The following RBBP6 variants were observed in gnomAD, a reference collection of about 807,000 sequenced individuals.
The protein encoded by RBBP6 is RB binding protein 6, ubiquitin ligase.
Under a neutral mutation model 167.7 loss-of-function variants are expected in RBBP6, and 25 were observed. The observed-to-expected ratio is 0.15, with a 90% confidence interval of 0.11 to 0.21. The LOEUF (loss-of-function observed/expected upper bound fraction) is 0.21, where lower values mean the gene tolerates loss of function less well. Among genes scored for constraint, RBBP6 ranks in the 10% least tolerant of loss-of-function variants. The probability of loss-of-function intolerance (pLI) is 1.00; values close to 1 mark genes in which losing one functional copy is unlikely to be tolerated. For missense variants in RBBP6, 1,868 were observed against 2,134.2 expected, an observed-to-expected ratio of 0.88 and a Z score of 2.46; for synonymous variants, 789 against 735.8, an observed-to-expected ratio of 1.07 and a Z score of -1.17.
At chr16:24,568,712 C>G (rs1187820345) in intron 16 of RBBP6, 33 bp from the exon 17 acceptor site, 1 of 1,567,982 alleles carries the variant, frequency 6.4e-7, no homozygotes, top group East Asian at 2.2e-5. Flanking sequence ...ATGTATTTCT[C>G]AACTATCAAC....
At chr16:24,551,105 A>G (rs1423566494) in intron 3 of RBBP6, among the ~76,000 whole-genome samples, 1 of 151,804 alleles carries the variant, frequency 6.6e-6, no homozygotes, top group African/African-American at 2.4e-5. Context: ...CCAAAGCTGG[A>G]TGTTCTTCTT....
At position 24,546,254 on chromosome 16, in the gene RBBP6, A is replaced by C; in HGVS notation, c.258A>C (p.Thr86=). Residue 86 remains threonine, a synonymous_variant, in exon 2 of 18, where the codon ACA becomes ACC. Coordinates refer to ENST00000319715, the MANE Select transcript of RBBP6 (RefSeq NM_006910.5). ...PIGGVKSTSK[T]YVISRTEPAM... ...GAGGTGTTAAATCTACAAGCAAGAC[A>C]TATGTTATGTAAGTATCAAATCTCA... 1 of 1,576,868 alleles carries C rather than the reference A, an allele frequency of 6.3e-7. No individual in the cohort carries two copies. The highest frequency in any genetic ancestry group is 8.6e-7 in the Non-Finnish European group (1 of 1,169,320).
intron 1 of RBBP6, among the ~76,000 whole-genome samples, chr16:24,545,885 C>G (rs964408215): frequency 3.9e-5 from 6 of 152,192 alleles, no homozygotes; most frequent in African/African-American, 1.4e-4. Flanking sequence ...GCATTTCAGA[C>G]TAAACTAAAG....
intron 1 of RBBP6, among the ~76,000 whole-genome samples, chr16:24,542,062 ATAT>A (rs1898513135): frequency 6.6e-6 from 1 of 152,204 alleles, no homozygotes; most frequent in South Asian, 2.1e-4. Flanking sequence ...TGCTCAAATG[ATAT>A]TATGTGAAAA....
chr16:24,572,252 A>C lies in RBBP6; in HGVS notation c.5186A>C (p.Lys1729Thr). The C allele has an allele frequency of 6.2e-7, 1 of 1,613,736 alleles. No individual in the cohort carries two copies. Among genetic ancestry groups the C allele is most frequent in the Non-Finnish European group, 8.5e-7 (1 of 1,179,868 alleles). ...SSAESQDSKK[K>T]KKKKEKKKHK... ...GCAGAAAGTCAGGACAGCAAGAAGA[A>C]GAAGAAAAAGAAGGAAAAGAAAAAA... The change falls in exon 18 of 18, where the codon AAG (lysine) becomes ACG (threonine). Residue 1729 changes from lysine to threonine, a missense_variant. Coordinates refer to ENST00000319715, the MANE Select transcript of RBBP6 (RefSeq NM_006910.5).
rs766363038 is a variant in RBBP6, at chr16:24,571,033, A to G, written c.3967A>G (p.Lys1323Glu). 2.5e-6 allele frequency: 4 copies of G among 1,612,660 alleles called. No individual in the cohort carries two copies. In the African/African-American group the frequency reaches 4.0e-5, roughly 16 times the overall value. The change falls in exon 18 of 18, where the codon AAA becomes GAA. Residue 1323 changes from lysine (K) to glutamate (E), a missense_variant. By Grantham distance (56) the Lys-to-Glu change is moderately conservative (BLOSUM62 1). This residue lies in a region of RBBP6 where 591 missense variants were observed against 540.5 expected (regional missense o/e 1.09). Transcript: ENST00000319715. The stretch of plus-strand genomic sequence containing the variant: ...TCAGGTTCCTCAATCCAAATGGGAT[A>G]AAGATGACTTTGAATCTGAAGAAGA... ...MIQVPQSKWDKDDFESEEEDV... is the reference protein window; with the variant it reads ...MIQVPQSKWDEDDFESEEEDV...
At chr16:24,551,904 T>G (rs1477967590) in intron 3 of RBBP6, among the ~76,000 whole-genome samples, 1 of 151,826 alleles carries the variant, frequency 6.6e-6, no homozygotes, top group Non-Finnish European at 1.5e-5. Flanking sequence ...TATAAAATCT[T>G]TAAAATAGAT....
Position 24,570,207 on chromosome 16 carries a change from A to C in RBBP6, c.3517A>C (p.Thr1173Pro). The change falls in exon 17 of 18, where the codon ACT becomes CCT. Residue 1173 changes from threonine to proline, a missense_variant. Physicochemically the swap from Thr to Pro is conservative, Grantham distance 38 (BLOSUM62 -1). Transcript: ENST00000319715. ...AATGAAAATCTCGAAACTAGAAGTG[A>C]CTGAAATAGTGAAACCATCACCAAA... ...SSMKISKLEV[T>P]EIVKPSPKRK... 6.2e-7 allele frequency: 1 copy of C among 1,611,614 alleles called. No individual in the cohort carries two copies. The highest frequency in any genetic ancestry group is 8.5e-7 in the Non-Finnish European group (1 of 1,179,506).
In RBBP6 at chr16:24,555,899, G is replaced by C. The variant is rs75807216; in HGVS notation, c.516G>C (p.Lys172Asn). The part of the protein sequence containing the change: ...FRCGKPGHYI[K>N]NCPTNGDKNF... ...GTGGTAAACCTGGACATTATATTAAGAATTGCCCAACAAATGGGGTAAGTT... is the reference window on the plus strand; with the variant it reads ...GTGGTAAACCTGGACATTATATTAACAATTGCCCAACAAATGGGGTAAGTT... The change falls in exon 6 of 18, where the codon AAG (lysine) becomes AAC (asparagine). Residue 172 changes from lysine to asparagine, a missense_variant. This residue lies in a region of RBBP6 where 184 missense variants were observed against 327.7 expected (regional missense o/e 0.56). Coordinates refer to ENST00000319715, the MANE Select transcript of RBBP6 (RefSeq NM_006910.5). 1 of 1,600,770 alleles carries C rather than the reference G, an allele frequency of 6.2e-7. No homozygotes were observed. Among genetic ancestry groups the C allele is most frequent in the Admixed American group, 1.7e-5 (1 of 59,992 alleles).
intron 1 of RBBP6, among the ~76,000 whole-genome samples, chr16:24,543,038 A>C (rs764466517): frequency 6.6e-6 from 1 of 152,202 alleles, no homozygotes; most frequent in African/African-American, 2.4e-5. Context: ...AGAAAGAGAT[A>C]TTGATGGTAG....
rs1382365068 is a variant in RBBP6, at chr16:24,559,494, T to G, written c.675-11T>G. 6.3e-7 allele frequency: 1 copy of G among 1,584,270 alleles called. No homozygotes were observed. The highest frequency in any genetic ancestry group is 1.2e-5 in the South Asian group (1 of 84,656). The stretch of plus-strand genomic sequence containing the variant: ...TTAACAATGGTAAAACATGAAAACT[T>G]TCTTTTACAGAGAAGCATATGCAAT... On this transcript the variant is annotated splice_polypyrimidine_tract_variant and intron_variant, in intron 7 of 17. Transcript: ENST00000319715.
At chr16:24,559,470 TAA>T in intron 7 of RBBP6, 33 bp from the exon 8 acceptor site, 7 of 1,541,280 alleles carry the variant, frequency 4.5e-6, no homozygotes, top group Non-Finnish European at 6.2e-6. Flanking sequence ...TCTGCCTTCT[TAA>T]CAATGGTAAA....
At position 24,569,674 on chromosome 16, in the gene RBBP6, C is replaced by T. The variant is rs1207730527; in HGVS notation, c.2984C>T (p.Ser995Leu). The T allele has an allele frequency of 6.2e-7, 1 of 1,613,668 alleles. No individual in the cohort carries two copies. Among genetic ancestry groups the T allele is most frequent in the Non-Finnish European group, 8.5e-7 (1 of 1,179,922 alleles). The change falls in exon 17 of 18, where the codon TCA becomes TTA. Residue 995 changes from serine (S) to leucine (L), a missense_variant. Physicochemically the swap from Ser to Leu is moderately radical, Grantham distance 145. This residue lies in a region of RBBP6 where 673 missense variants were observed against 691.5 expected (regional missense o/e 0.97). Coordinates refer to ENST00000319715, the MANE Select transcript of RBBP6 (RefSeq NM_006910.5). The stretch of plus-strand genomic sequence containing the variant: ...AGAGATGAACCAATGGATGCAGAAT[C>T]AATCACTTTTAAATCAGTGTCTGAA... ...PVRDEPMDAE[S>L]ITFKSVSEKD...
Position 24,572,165 on chromosome 16 carries a change from C to A in RBBP6, c.5099C>A (p.Pro1700His). 2 of 1,614,062 alleles carry A rather than the reference C, an allele frequency of 1.2e-6. No individual in the cohort carries two copies. Among genetic ancestry groups the A allele is most frequent in the South Asian group, 1.1e-5 (1 of 91,070 alleles). ...NQSHSSPSVS[P>H]SRSHSPSGSQ... The stretch of plus-strand genomic sequence containing the variant: ...AGCCACAGCAGCCCCAGCGTCAGCC[C>A]CAGCAGAAGCCACAGTCCTTCTGGA... Residue 1700 changes from proline (P) to histidine (H), a missense_variant, in exon 18 of 18, where the codon CCC becomes CAC. Coordinates refer to ENST00000319715, the MANE Select transcript of RBBP6 (RefSeq NM_006910.5).
intron 13 of RBBP6, 22 bp from the exon 14 acceptor site, chr16:24,564,775 T>C (rs1899152994): frequency 6.2e-7 from 1 of 1,610,278 alleles, no homozygotes. Flanking sequence ...TACTTGAGCC[T>C]ATTTTTTTTT....
intron 1 of RBBP6, among the ~76,000 whole-genome samples, chr16:24,541,173 T>C: frequency 8.4e-6 from 1 of 118,992 alleles, no homozygotes; most frequent in African/African-American, 3.5e-5. Context: ...GCTTGTTTGT[T>C]CAATCAGCAA....
At position 24,569,496 on chromosome 16, in the gene RBBP6, C is replaced by T. The variant is rs1416439928; in HGVS notation, c.2806C>T (p.His936Tyr). 5 of 1,608,246 alleles carry T rather than the reference C, an allele frequency of 3.1e-6. No individual in the cohort carries two copies. Among genetic ancestry groups the T allele is most frequent in the Non-Finnish European group, 4.2e-6 (5 of 1,178,700 alleles). The change falls in exon 17 of 18, where the codon CAC (histidine) becomes TAC (tyrosine). Residue 936 changes from histidine to tyrosine, a missense_variant. Around this residue, in one of 7 missense-constraint regions of RBBP6, gnomAD observed 673 missense variants for 691.5 expected, o/e 0.97. Coordinates refer to ENST00000319715, the MANE Select transcript of RBBP6 (RefSeq NM_006910.5). ...TGGTAAAGGAAATAAGCATAAGAAA[C>T]ACAGAAAAAGAAGAAAAGGGGAGGA... is the stretch of plus-strand genomic sequence containing the variant. ...GDGKGNKHKK[H>Y]RKRRKGEESE...
intron 3 of RBBP6, among the ~76,000 whole-genome samples, chr16:24,550,221 A>G (rs1334495022): frequency 1.3e-5 from 2 of 151,940 alleles, no homozygotes; most frequent in Non-Finnish European, 2.9e-5. Flanking sequence ...ACATGATAAT[A>G]TAGAATATCT....
At chr16:24,553,407 G>A in intron 3 of RBBP6, 106 bp from the exon 4 acceptor site, 1 of 866,206 alleles carries the variant, frequency 1.2e-6, no homozygotes, top group Non-Finnish European at 1.8e-6. Flanking sequence ...AGAAAACTAA[G>A]AAAATGCCCA....
Sources: gnomAD v4.1 joint callset for allele counts (sites outside exome capture counted in the v4.1 genomes callset) on GRCh38, gnomAD v4.1.1 for gene constraint, gnomAD v4.1.1 regional missense constraint, MANE v1.5 for transcripts, NCBI Gene and HGNC (gene_info 2026-07-23, HGNC 2026-07-21) for gene names.